CTNNAL1: variants seen among roughly 807,000 people sequenced by gnomAD.
CTNNAL1 encodes catenin alpha like 1.
A neutral mutation model predicts 93.6 loss-of-function variants in CTNNAL1; 69 were observed. That is an observed-to-expected ratio of 0.74 (90% CI 0.61 to 0.90). CTNNAL1 has a LOEUF of 0.90. Among genes scored for constraint, CTNNAL1 ranks in the 40% least tolerant of loss-of-function variants. CTNNAL1 has a pLI of 0.00. For missense variants in CTNNAL1, 836 were observed against 862.0 expected (o/e 0.97, Z 0.38); for synonymous variants, 286 against 305.4 (o/e 0.94, Z 0.66).
Position 108,944,038 on chromosome 9 carries a change from C to A in CTNNAL1, c.1885-20G>T. Reference sequence around the variant, plus strand: ...AAAAACCTGGTAGAAAGAGAAAACACCACTATTTTAGACTGATGTCTATGG... The same window carrying A: ...AAAAACCTGGTAGAAAGAGAAAACAACACTATTTTAGACTGATGTCTATGG... On this transcript the variant is annotated intron_variant, in intron 15 of 18. Coordinates refer to ENST00000325551, the MANE Select transcript of CTNNAL1 (RefSeq NM_003798.4). The A allele has an allele frequency of 6.2e-7, 1 of 1,608,868 alleles. No homozygotes were observed. Among genetic ancestry groups the A allele is most frequent in the Non-Finnish European group, 8.5e-7 (1 of 1,176,200 alleles).
intron 1 of CTNNAL1, among the ~76,000 whole-genome samples, chr9:109,008,504 T>G (rs1313924626): frequency 1.3e-5 from 2 of 152,076 alleles, no homozygotes; most frequent in Non-Finnish European, 2.9e-5. Flanking sequence ...GACTTAGGAG[T>G]GGAATTGCTG....
chr9:108,947,569 G>A (rs1830444334), intron 15 of CTNNAL1, among the ~76,000 whole-genome samples: 1 of 152,164 alleles, frequency 6.6e-6, no homozygotes, highest in Non-Finnish European at 1.5e-5. Flanking sequence ...AAACATAAAA[G>A]GAATTTTGCA....
intron 7 of CTNNAL1, 95 bp from the exon 8 acceptor site, chr9:108,977,143 A>T (rs1012830887): frequency 1.9e-6 from 1 of 538,676 alleles, no homozygotes; most frequent in Non-Finnish European, 3.2e-6. Context: ...ATAAATTTTA[A>T]TACTATTCTG....
intron 4 of CTNNAL1, among the ~76,000 whole-genome samples, chr9:108,990,054 A>AAAAAT (rs1382364907): frequency 2.0e-5 from 3 of 152,120 alleles, no homozygotes; most frequent in Non-Finnish European, 4.4e-5. Flanking sequence ...CCATCTCAGA[A>AAAAAT]AAAATAAAAT....
rs79662020 is a variant in CTNNAL1, at chr9:108,955,868, A to C, written c.1592-41T>G. On this transcript the variant is annotated intron_variant, in intron 11 of 18. Coordinates refer to ENST00000325551, the MANE Select transcript of CTNNAL1 (RefSeq NM_003798.4). ...ATAACTTAAAAAATTTTTTCTATTA[A>C]TATATTTTTCTATTATTCATAGTTA... is the stretch of plus-strand genomic sequence containing the variant. 5.5e-4 allele frequency: 729 copies of C among 1,319,830 alleles called. 6 individuals are homozygous for C. In the African/African-American group the frequency reaches 9.6e-3, roughly 17 times the overall value. The allele number at this position is 1,319,830 out of a possible 1,614,324, so 81.8% of individuals were successfully genotyped here.
intron 8 of CTNNAL1, 32 bp from the exon 9 acceptor site, chr9:108,972,865 A>ACCAC: frequency 4.6e-6 from 1 of 219,280 alleles, no homozygotes; most frequent in Non-Finnish European, 6.2e-6. Flanking sequence ...GGGGGGTGGG[A>ACCAC]GGGTGGAGAA....
At chr9:108,964,955 C>A (rs552943256) in intron 11 of CTNNAL1, among the ~76,000 whole-genome samples, 4 of 152,024 alleles carry the variant, frequency 2.6e-5, no homozygotes, top group African/African-American at 4.8e-5. Flanking sequence ...CTCCGCCTCC[C>A]GGGTTCAAGT....
chr9:108,973,494 G>C (rs970153799), intron 8 of CTNNAL1, among the ~76,000 whole-genome samples: 2 of 152,176 alleles, frequency 1.3e-5, no homozygotes, highest in Admixed American at 1.3e-4. Context: ...GTTAGAATCT[G>C]TCTATAGTTG....
At chr9:108,956,831 A>G (rs934916138) in intron 11 of CTNNAL1, among the ~76,000 whole-genome samples, 5 of 152,112 alleles carry the variant, frequency 3.3e-5, no homozygotes, top group Non-Finnish European at 7.4e-5. Flanking sequence ...TTAGCACTTG[A>G]AATGTGGCTA....
In CTNNAL1 at chr9:108,942,805, T is replaced by C; in HGVS notation, c.2169A>G (p.Ser723=). The change falls in exon 19 of 19, where the codon TCA becomes TCG. Residue 723 remains serine, a synonymous_variant. Transcript: ENST00000325551. ...KLQMENNGWV[S]VTNKDTMDSK... ...TATCCATAGTGTCCTTATTTGTAAC[T>C]GAGACCCATCCGTTATTTTCCATCT... The C allele has an allele frequency of 6.2e-7, 1 of 1,613,602 alleles. No individual in the cohort carries two copies. The highest frequency in any genetic ancestry group is 8.5e-7 in the Non-Finnish European group (1 of 1,179,686).
Position 108,983,197 on chromosome 9 carries a change from C to G in CTNNAL1, c.848G>C (p.Gly283Ala). The G allele has an allele frequency of 3.8e-6, 6 of 1,581,382 alleles. No individual in the cohort carries two copies. The highest frequency in any genetic ancestry group is 5.2e-6 in the Non-Finnish European group (6 of 1,163,432). The part of the protein sequence containing the change: ...IEIVTDCKPN[G>A]ETDISSISIF... ...ACTGATAGATGAAATGTCAGTCTCT[C>G]CATTCGGTTTACAGTCAGTCACAAT... The change falls in exon 6 of 19, where the codon GGA becomes GCA. Residue 283 changes from glycine (G) to alanine (A), a missense_variant. Physicochemically the swap from Gly to Ala is moderately conservative, Grantham distance 60 (BLOSUM62 0). Transcript: ENST00000325551.
chr9:108,948,348 A>C, intron 14 of CTNNAL1, 114 bp from the exon 15 acceptor site: 1 of 873,716 alleles, frequency 1.1e-6, no homozygotes, highest in Non-Finnish European at 1.7e-6. Context: ...ATTTTGAAGA[A>C]TAATATGAAT....
At chr9:109,001,051 A>T (rs1826804106) in intron 1 of CTNNAL1, among the ~76,000 whole-genome samples, 1 of 151,648 alleles carries the variant, frequency 6.6e-6, no homozygotes, top group Non-Finnish European at 1.5e-5. Context: ...ACATGCCTGT[A>T]ATCCCAGCTA....
intron 9 of CTNNAL1, 104 bp downstream of exon 9, chr9:108,972,571 A>C: frequency 1.0e-6 from 1 of 968,272 alleles, no homozygotes; most frequent in Non-Finnish European, 1.5e-6. Flanking sequence ...GAGAGAGAAA[A>C]TGCTCAGATA....
At chr9:108,954,734 T>C (rs1830648285) in intron 12 of CTNNAL1, among the ~76,000 whole-genome samples, 1 of 152,226 alleles carries the variant, frequency 6.6e-6, no homozygotes. Flanking sequence ...TATTTCAGTA[T>C]TAAATGCCAG....
At chr9:108,972,863 G>GGGGGGGGGGGGGGGGGGGA in intron 8 of CTNNAL1, 30 bp from the exon 9 acceptor site, 1 of 231,688 alleles carries the variant, frequency 4.3e-6, no homozygotes, top group Non-Finnish European at 7.1e-6. Context: ...TGGGGGGGTG[G>GGGGGGGGGGGGGGGGGGGA]GAGGGTGGAG....
chr9:108,947,241 G>C (rs764712407), intron 15 of CTNNAL1, among the ~76,000 whole-genome samples: 1 of 151,388 alleles, frequency 6.6e-6, no homozygotes, highest in South Asian at 2.1e-4. Context: ...AGCCTCCCAA[G>C]TAGCTGGGAC....
intron 1 of CTNNAL1, among the ~76,000 whole-genome samples, chr9:109,003,775 G>C (rs1181741769): frequency 2.6e-5 from 4 of 152,198 alleles, no homozygotes. Context: ...ATTTGTAATA[G>C]ATGCCAACAT....
At chr9:108,953,860 A>C (rs974785511) in intron 12 of CTNNAL1, among the ~76,000 whole-genome samples, 7 of 152,058 alleles carry the variant, frequency 4.6e-5, no homozygotes, top group Admixed American at 3.9e-4. Flanking sequence ...AGAGAGAATA[A>C]ACAAATATGA....
Sources: gnomAD v4.1 joint callset for allele counts (sites outside exome capture counted in the v4.1 genomes callset) on GRCh38, gnomAD v4.1.1 for gene constraint, MANE v1.5 for transcripts, NCBI Gene and HGNC (gene_info 2026-07-23, HGNC 2026-07-21) for gene names.